Variants in CNTNAP4 observed in about 807,000 individuals in gnomAD.
The protein encoded by CNTNAP4 is contactin-associated protein-like 4.
A neutral mutation model predicts 148.4 loss-of-function variants in CNTNAP4; 98 were observed. The observed-to-expected ratio is 0.66, with a 90% CI of 0.56 to 0.78. The LOEUF is 0.78. Ranked by LOEUF, CNTNAP4 falls within the 30% of genes least tolerant of loss-of-function variation. CNTNAP4 has a pLI of 0.00. For missense variants in CNTNAP4, 1,935 were observed against 1,565.6 expected (o/e 1.24, Z -3.98); for synonymous variants, 730 against 565.1 (o/e 1.29, Z -4.14).
chr16:76,470,105 T>C (rs1421414750), intron 10 of CNTNAP4, among the ~76,000 whole-genome samples: 5 of 152,086 alleles, frequency 3.3e-5, no homozygotes. Context: ...TAGTGTTTGT[T>C]TCCTATAAGT....
At chr16:76,533,047 T>C (rs1251621001) in intron 17 of CNTNAP4, among the ~76,000 whole-genome samples, 1 of 152,066 alleles carries the variant, frequency 6.6e-6, no homozygotes, top group Non-Finnish European at 1.5e-5. Context: ...CTAAGTTTAT[T>C]GCAACACTAT....
At chr16:76,418,312 G>A (rs1442119909) in intron 3 of CNTNAP4, among the ~76,000 whole-genome samples, 1 of 143,690 alleles carries the variant, frequency 7.0e-6, no homozygotes, top group African/African-American at 2.5e-5. Flanking sequence ...TCTATTACAG[G>A]TTTTTTTCTT....
intron 17 of CNTNAP4, among the ~76,000 whole-genome samples, chr16:76,527,635 A>G (rs1374534752): frequency 6.6e-6 from 1 of 152,194 alleles, no homozygotes; most frequent in Non-Finnish European, 1.5e-5. Flanking sequence ...GACTGATGGT[A>G]ATAATAATAA....
At chr16:76,474,801 G>GT (rs1568321874) in intron 10 of CNTNAP4, among the ~76,000 whole-genome samples, 1 of 151,978 alleles carries the variant, frequency 6.6e-6, no homozygotes, top group African/African-American at 2.4e-5. Flanking sequence ...AAAGACTTTC[G>GT]TAACACTAGC....
intron 15 of CNTNAP4, among the ~76,000 whole-genome samples, chr16:76,500,209 G>A (rs9932442): frequency 0.035 from 5,273 of 151,928 alleles, 290 homozygotes; most frequent in African/African-American, 0.12. Context: ...CCTCCCGGAC[G>A]GGGCGGCTGG....
At chr16:76,349,815 G>A (rs554165321) in intron 2 of CNTNAP4, among the ~76,000 whole-genome samples, 4 of 151,794 alleles carry the variant, frequency 2.6e-5, no homozygotes, top group Admixed American at 6.6e-5. Flanking sequence ...TTAAAATCTC[G>A]AGGAAGAAAT....
intron 3 of CNTNAP4, among the ~76,000 whole-genome samples, chr16:76,423,560 A>G (rs1000558749): frequency 3.3e-5 from 5 of 152,328 alleles, no homozygotes; most frequent in African/African-American, 9.6e-5. Context: ...TGTTATGGCA[A>G]CAATTCTTCA....
At chr16:76,329,686 ATT>A (rs1277369319) in intron 2 of CNTNAP4, among the ~76,000 whole-genome samples, 2 of 152,318 alleles carry the variant, frequency 1.3e-5, no homozygotes, top group South Asian at 2.1e-4. Flanking sequence ...CGTAAGGATT[ATT>A]TGTTATTTTC....
In CNTNAP4 at chr16:76,322,835, T is replaced by G. The variant is rs139658967; in HGVS notation, c.196+6312T>G. The stretch of plus-strand genomic sequence containing the variant: ...AATTTATTCCTTTTTATTTTATTTT[T>G]TATTTTTTGTTTTTTTTTTGAGACA... On this transcript the variant is annotated intron_variant, in intron 2 of 23. Transcript: ENST00000611870. 1.9e-3 allele frequency among the ~76,000 whole-genome samples: 276 copies of G among 144,588 alleles called. 1 individual carries two copies. Among genetic ancestry groups the G allele is most frequent in the African/African-American group, 6.4e-3 (260 of 40,824 alleles). 94.9% of individuals were successfully genotyped at this position (144,588 alleles called of 152,430 possible).
chr16:76,422,409 A>G (rs1249559926), intron 3 of CNTNAP4, among the ~76,000 whole-genome samples: 2 of 152,172 alleles, frequency 1.3e-5, no homozygotes, highest in Non-Finnish European at 2.9e-5. Context: ...AGTTTAATAG[A>G]AAAGTTCTTT....
In CNTNAP4 at chr16:76,560,069, A is replaced by T. The variant is rs994707281; in HGVS notation, c.*1386A>T. 6.6e-6 allele frequency among the ~76,000 whole-genome samples: 1 copy of T among 152,182 alleles called. No individual in the cohort carries two copies. The highest frequency in any genetic ancestry group is 2.4e-5 in the African/African-American group (1 of 41,454). On this transcript the variant is annotated 3_prime_UTR_variant, in exon 24 of 24. Transcript: ENST00000611870. ...AAAGAATGATCAATAACCTTATGGA[A>T]CTGTTACAATAATTAATCTTGAGAC...
At chr16:76,419,309 GGCAAAGTCTTTTCTTCAGGAGA>G (rs2079098798) in intron 3 of CNTNAP4, among the ~76,000 whole-genome samples, 1 of 151,994 alleles carries the variant, frequency 6.6e-6, no homozygotes, top group African/African-American at 2.4e-5. Context: ...GAGAGGTTCT[GGCAAAGTCTTTTCTTCAGGAGA>G]ATAGCCCTTT....
chr16:76,391,140 C>A (rs1002470298), intron 3 of CNTNAP4, among the ~76,000 whole-genome samples: 3 of 152,162 alleles, frequency 2.0e-5, no homozygotes, highest in African/African-American at 4.8e-5. Context: ...ACTATCCCTA[C>A]CTAGCCCCCC....
chr16:76,307,801 G>A (rs1019251937), intron 1 of CNTNAP4, among the ~76,000 whole-genome samples: 1 of 152,010 alleles, frequency 6.6e-6, no homozygotes, highest in Non-Finnish European at 1.5e-5. Context: ...ATCAGCCCCT[G>A]GCTGTTCTGT....
At chr16:76,432,081 C>T (rs1434028459) in intron 4 of CNTNAP4, among the ~76,000 whole-genome samples, 1 of 152,056 alleles carries the variant, frequency 6.6e-6, no homozygotes, top group African/African-American at 2.4e-5. Flanking sequence ...GCGTGAAGTG[C>T]TATGTTTGAT....
At chr16:76,308,495 C>T (rs926052915) in intron 1 of CNTNAP4, among the ~76,000 whole-genome samples, 1 of 152,174 alleles carries the variant, frequency 6.6e-6, no homozygotes, top group Non-Finnish European at 1.5e-5. Flanking sequence ...GGCACCATGG[C>T]TACTACATAG....
At chr16:76,522,699 T>TTCTTC (rs2083527088) in intron 17 of CNTNAP4, among the ~76,000 whole-genome samples, 1 of 19,200 alleles carries the variant, frequency 5.2e-5, no homozygotes, top group Non-Finnish European at 9.0e-5. Context: ...TTCTTTTCTT[T>TTCTTC]TCTTTTCTTT....
chr16:76,400,132 T>A (rs2078355719), intron 3 of CNTNAP4, among the ~76,000 whole-genome samples: 1 of 152,156 alleles, frequency 6.6e-6, no homozygotes, highest in Admixed American at 6.5e-5. Context: ...ATCTGGACCG[T>A]CTGGGTATTA....
At chr16:76,388,009 T>C (rs867007359) in intron 3 of CNTNAP4, among the ~76,000 whole-genome samples, 5 of 152,374 alleles carry the variant, frequency 3.3e-5, no homozygotes, top group Middle Eastern at 3.4e-3. Flanking sequence ...ATATTTGTCA[T>C]TAACGGGTGC....
Sources: allele counts gnomAD v4.1 joint callset (sites outside exome capture counted in the v4.1 genomes callset), GRCh38; gene constraint gnomAD v4.1.1; transcripts MANE v1.5; gene names NCBI Gene and HGNC (gene_info 2026-07-23, HGNC 2026-07-21).